Variants in CDH13 observed in about 807,000 individuals in gnomAD.
CDH13 encodes cadherin-13.
CDH13 carries 24 observed loss-of-function variants against 63.8 expected under a neutral mutation model. That is an observed-to-expected ratio of 0.38 (90% CI 0.27 to 0.53). The LOEUF (loss-of-function observed/expected upper bound fraction) is 0.53, where lower values mean the gene tolerates loss of function less well. Ranked by LOEUF, CDH13 falls within the 20% of genes least tolerant of loss-of-function variation. CDH13 has a pLI of 0.85. For missense variants in CDH13, 1,049 were observed against 903.1 expected, an observed-to-expected ratio of 1.16 and a Z score of -2.07; for synonymous variants, 503 against 355.3, an observed-to-expected ratio of 1.42 and a Z score of -4.67.
intron 1 of CDH13, among the ~76,000 whole-genome samples, chr16:82,852,537 TG>T (rs1466502122): frequency 6.6e-6 from 1 of 152,222 alleles, no homozygotes; most frequent in Non-Finnish European, 1.5e-5. Flanking sequence ...ACCCTTATTC[TG>T]TTGGCCAGTG....
At chr16:82,880,862 T>C (rs1046265505) in intron 2 of CDH13, among the ~76,000 whole-genome samples, 2 of 152,222 alleles carry the variant, frequency 1.3e-5, no homozygotes, top group African/African-American at 4.8e-5. Context: ...AGGGAATTCA[T>C]ACTGAGAACC....
intron 1 of CDH13, among the ~76,000 whole-genome samples, chr16:82,628,736 C>T (rs1205322539): frequency 1.3e-5 from 2 of 152,060 alleles, no homozygotes; most frequent in African/African-American, 2.4e-5. Context: ...TGTCCTGTAC[C>T]CTAGAGACCC....
intron 5 of CDH13, among the ~76,000 whole-genome samples, chr16:83,224,268 G>T (rs1438104922): frequency 2.0e-5 from 3 of 152,184 alleles, no homozygotes; most frequent in Non-Finnish European, 4.4e-5. Flanking sequence ...GGGCATTTGG[G>T]CTGGTTTCAT....
rs1335652637 is a variant in CDH13 at position 82,858,375 on chromosome 16, C to T, written c.59C>T (p.Thr20Ile). The change falls in exon 2 of 14, where the codon ACA becomes ATA. Residue 20 changes from threonine to isoleucine, a missense_variant. By Grantham distance (89) the Thr-to-Ile change is moderately conservative. Transcript: ENST00000567109. The stretch of plus-strand genomic sequence containing the variant: ...TGGTTTTCTCAGGTGCTGCTGCTAA[C>T]ATCTGCAGAAGATTTGGACTGCACT... ...CVLLSQVLLL[T>I]SAEDLDCTPG... The T allele has an allele frequency of 6.2e-7, 1 of 1,611,136 alleles. No homozygotes were observed.
chr16:83,514,827 C>T (rs1420276467), intron 7 of CDH13, among the ~76,000 whole-genome samples: 3 of 152,126 alleles, frequency 2.0e-5, no homozygotes, highest in African/African-American at 7.2e-5. Context: ...CTCAGAACTT[C>T]CAGAAGGAAG....
chr16:83,235,522 G>A (rs190190655), intron 5 of CDH13, among the ~76,000 whole-genome samples: 20 of 151,380 alleles, frequency 1.3e-4, no homozygotes, highest in Middle Eastern at 3.5e-3. Context: ...TCTGAGAAAT[G>A]ACCAGTAACA....
intron 4 of CDH13, among the ~76,000 whole-genome samples, chr16:83,140,847 G>T (rs906984865): frequency 1.3e-5 from 2 of 152,170 alleles, no homozygotes; most frequent in Non-Finnish European, 2.9e-5. Context: ...TCCCTCCTGG[G>T]AACGGACTGA....
intron 7 of CDH13, among the ~76,000 whole-genome samples, chr16:83,570,306 T>C (rs1432256923): frequency 6.6e-6 from 1 of 152,116 alleles, no homozygotes; most frequent in African/African-American, 2.4e-5. Flanking sequence ...TATGGGGTCT[T>C]TTCTGTCTGT....
intron 5 of CDH13, among the ~76,000 whole-genome samples, chr16:83,271,510 C>T (rs78767366): frequency 1.6e-5 from 1 of 63,180 alleles, no homozygotes; most frequent in Non-Finnish European, 3.2e-5. Context: ...TAAAAAAAAA[C>T]AAAACAAAAC....
chr16:83,721,386 A>G (rs1203856744), intron 10 of CDH13: 3 of 152,266 alleles, frequency 2.0e-5, no homozygotes, highest in Non-Finnish European at 4.4e-5. Flanking sequence ...TGAAGCAATT[A>G]AATGTCATTT....
At chr16:83,148,220 G>A (rs971851877) in intron 4 of CDH13, among the ~76,000 whole-genome samples, 1 of 152,172 alleles carries the variant, frequency 6.6e-6, no homozygotes. Context: ...TTACAGATGT[G>A]AGCCACTGTG....
chr16:82,793,843 A>G (rs1282054094), intron 1 of CDH13, among the ~76,000 whole-genome samples: 2 of 152,176 alleles, frequency 1.3e-5, no homozygotes, highest in African/African-American at 2.4e-5. Context: ...AAGCAGGAAG[A>G]TGGGAGTCTC....
At chr16:82,662,472 T>C (rs1195430919) in intron 1 of CDH13, among the ~76,000 whole-genome samples, 1 of 152,220 alleles carries the variant, frequency 6.6e-6, no homozygotes, top group Admixed American at 6.5e-5. Context: ...CAGAGGGTTT[T>C]CTCTTTGCCT....
intron 10 of CDH13, among the ~76,000 whole-genome samples, chr16:83,745,014 A>G (rs894005342): frequency 1.3e-5 from 2 of 152,176 alleles, no homozygotes; most frequent in African/African-American, 4.8e-5. Context: ...CAAAGTTCAC[A>G]TATCTCTAGG....
At chr16:83,690,961 A>G (rs991151201) in intron 10 of CDH13, among the ~76,000 whole-genome samples, 3 of 151,980 alleles carry the variant, frequency 2.0e-5, no homozygotes, top group African/African-American at 4.8e-5. Flanking sequence ...GCCTCAAGTG[A>G]TCCACCTGCC....
intron 6 of CDH13, among the ~76,000 whole-genome samples, chr16:83,468,139 C>T (rs575584499): frequency 4.5e-4 from 68 of 152,242 alleles, no homozygotes; most frequent in Non-Finnish European, 6.5e-4. Flanking sequence ...TGGACCTTGT[C>T]CATGTGATCT....
intron 12 of CDH13, among the ~76,000 whole-genome samples, chr16:83,781,503 A>T (rs1325371229): frequency 6.6e-6 from 1 of 152,196 alleles, no homozygotes; most frequent in Non-Finnish European, 1.5e-5. Flanking sequence ...TTTTCTATTT[A>T]AAAATCTCAT....
In CDH13 at chr16:83,795,108, T is replaced by A; in HGVS notation, c.*78T>A. The A allele has an allele frequency of 7.5e-7, 1 of 1,337,734 alleles. No individual in the cohort carries two copies. The allele number at this position is 1,337,734 out of a possible 1,614,324, so 82.9% of individuals were successfully genotyped here. ...AAAAAAATCTATCCAAATCTGAAGATTGCGGTTTACAGCTATCGAACTTCA... is the reference window on the plus strand; with the variant it reads ...AAAAAAATCTATCCAAATCTGAAGAATGCGGTTTACAGCTATCGAACTTCA... On this transcript the variant is annotated 3_prime_UTR_variant, in exon 14 of 14. Transcript: ENST00000567109.
chr16:82,710,479 G>A (rs2031827885), intron 1 of CDH13, among the ~76,000 whole-genome samples: 1 of 130,978 alleles, frequency 7.6e-6, no homozygotes, highest in African/African-American at 2.9e-5. Flanking sequence ...CTTGCAGTGA[G>A]CCGAGATCGC....
Sources: gnomAD v4.1 joint callset for allele counts (sites outside exome capture counted in the v4.1 genomes callset) on GRCh38, gnomAD v4.1.1 for gene constraint, MANE v1.5 for transcripts, NCBI Gene and HGNC (gene_info 2026-07-23, HGNC 2026-07-21) for gene names.